The following MYO3B variants were observed in gnomAD, a reference collection of about 807,000 sequenced individuals.
MYO3B encodes myosin-IIIb.
MYO3B carries 156 observed loss-of-function variants against 174.6 expected under a neutral mutation model. That is an observed-to-expected ratio of 0.89 (90% CI 0.78 to 1.02). The LOEUF (loss-of-function observed/expected upper bound fraction) is 1.02, where lower values mean the gene tolerates loss of function less well. Among genes scored for constraint, MYO3B ranks in the 50% least tolerant of loss-of-function variants. The pLI is 0.00. For synonymous variants in MYO3B, 563 were observed against 569.1 expected, an observed-to-expected ratio of 0.99 and a Z score of 0.15; for missense variants, 1,632 against 1,639.4, an observed-to-expected ratio of 1.00 and a Z score of 0.08.
At chr2:170,181,174 G>A (rs1045683805) in intron 1 of MYO3B, among the ~76,000 whole-genome samples, 3 of 152,020 alleles carry the variant, frequency 2.0e-5, no homozygotes, top group Non-Finnish European at 4.4e-5. Context: ...GTGGTGTAAG[G>A]ATAAAGATTC....
chr2:170,272,957 A>C (rs2093436120), intron 7 of MYO3B, among the ~76,000 whole-genome samples: 1 of 152,172 alleles, frequency 6.6e-6, no homozygotes. Context: ...CACAAAACAG[A>C]CTAAGATAGT....
rs116785724 is a variant in MYO3B, at chr2:170,508,154, A to G, written c.3370+6289A>G. ...CCCTAGGACTCGATATTATAACTTC[A>G]GAGGACGCCAGGGTTAGAGCCTACA... On this transcript the variant is annotated intron_variant, in intron 28 of 34. Coordinates refer to ENST00000408978, the MANE Select transcript of MYO3B (RefSeq NM_138995.5). Among the ~76,000 whole-genome samples the G allele has an allele frequency of 2.8e-3, 428 of 152,242 alleles. 1 individual carries two copies. The highest frequency in any genetic ancestry group is 9.7e-3 in the African/African-American group (403 of 41,538).
At chr2:170,540,675 A>T (rs1345663010) in intron 30 of MYO3B, among the ~76,000 whole-genome samples, 1 of 141,064 alleles carries the variant, frequency 7.1e-6, no homozygotes. Flanking sequence ...CAAAAAAAAC[A>T]AAAAAACAGC....
rs544930974 is a variant in MYO3B, at chr2:170,534,570, G to A, written c.3576-8336G>A. ...AAGTGATCCTCCCATTTTAGCCACC[G>A]AAGTAGCTGGGACTACAGATGTGCG... On this transcript the variant is annotated intron_variant, in intron 30 of 34. Coordinates refer to ENST00000408978, the MANE Select transcript of MYO3B (RefSeq NM_138995.5). 3.9e-5 allele frequency among the ~76,000 whole-genome samples: 6 copies of A among 152,128 alleles called. No individual in the cohort carries two copies. In the South Asian group the frequency reaches 6.2e-4, roughly 16 times the overall value.
intron 8 of MYO3B, among the ~76,000 whole-genome samples, chr2:170,353,513 A>G (rs1455462176): frequency 3.3e-5 from 5 of 152,184 alleles, no homozygotes; most frequent in African/African-American, 1.2e-4. Flanking sequence ...ATTTGCCCAA[A>G]CCTATAGAAT....
At chr2:170,330,446 G>GT (rs557450894) in intron 7 of MYO3B, among the ~76,000 whole-genome samples, 62 of 152,266 alleles carry the variant, frequency 4.1e-4, no homozygotes, top group African/African-American at 1.5e-3. Flanking sequence ...TTTGCTGAAA[G>GT]TTTTTTAGAA....
intron 22 of MYO3B, among the ~76,000 whole-genome samples, chr2:170,440,314 A>G (rs1460573071): frequency 6.6e-6 from 1 of 152,104 alleles, no homozygotes; most frequent in African/African-American, 2.4e-5. Flanking sequence ...TCTATCTGCA[A>G]AAGATGCCAT....
At position 170,587,575 on chromosome 2, in the gene MYO3B, C is replaced by T. The variant is rs554984221; in HGVS notation, c.3733+43587C>T. Among the ~76,000 whole-genome samples, 87 of 152,166 alleles carry T rather than the reference C, an allele frequency of 5.7e-4. 1 individual carries two copies. The highest frequency in any genetic ancestry group is 4.9e-4 in the Non-Finnish European group (33 of 68,030). On this transcript the variant is annotated intron_variant, in intron 32 of 34. Coordinates refer to ENST00000408978, the MANE Select transcript of MYO3B (RefSeq NM_138995.5). ...AAAGTGATGGAAGTTGTTAAGGGAT[C>T]GGCTTTATTGAAAATAATGAGACTC...
intron 7 of MYO3B, among the ~76,000 whole-genome samples, chr2:170,266,342 G>T (rs2093383164): frequency 6.6e-6 from 1 of 152,042 alleles, no homozygotes; most frequent in African/African-American, 2.4e-5. Flanking sequence ...TAAACTAGCT[G>T]TATGTCATTT....
intron 23 of MYO3B, among the ~76,000 whole-genome samples, chr2:170,457,822 G>T (rs113974016): frequency 6.6e-6 from 1 of 152,062 alleles, no homozygotes; most frequent in African/African-American, 2.4e-5. Flanking sequence ...TGCCATGATC[G>T]TGGCTCACTA....
intron 7 of MYO3B, among the ~76,000 whole-genome samples, chr2:170,263,056 C>T (rs1243390999): frequency 1.3e-5 from 2 of 152,078 alleles, no homozygotes; most frequent in Admixed American, 6.5e-5. Context: ...AAAATTGGAG[C>T]GACTAAGCAG....
intron 22 of MYO3B, among the ~76,000 whole-genome samples, chr2:170,432,999 C>G (rs373939229): frequency 2.0e-5 from 3 of 152,164 alleles, no homozygotes; most frequent in East Asian, 1.9e-4. Flanking sequence ...CCTAGGCCTT[C>G]ACATTCACAC....
chr2:170,589,073 A>G (rs927297518), intron 32 of MYO3B, among the ~76,000 whole-genome samples: 20 of 152,212 alleles, frequency 1.3e-4, no homozygotes, highest in African/African-American at 4.8e-4. Context: ...AAGAACATGT[A>G]GCTGAAGAAG....
intron 32 of MYO3B, among the ~76,000 whole-genome samples, chr2:170,577,576 G>A (rs1260048245): frequency 1.3e-5 from 2 of 152,168 alleles, no homozygotes; most frequent in African/African-American, 4.8e-5. Context: ...CAGCAATTCC[G>A]TTGATCAGTA....
At chr2:170,191,986 T>C (rs1308870908) in intron 1 of MYO3B, among the ~76,000 whole-genome samples, 1 of 152,186 alleles carries the variant, frequency 6.6e-6, no homozygotes. Flanking sequence ...CGAAGTGAGG[T>C]TGATTGCAGT....
At chr2:170,271,052 T>C (rs373393769) in intron 7 of MYO3B, among the ~76,000 whole-genome samples, 1 of 152,168 alleles carries the variant, frequency 6.6e-6, no homozygotes, top group Non-Finnish European at 1.5e-5. Context: ...TTGCCAGATA[T>C]AGAAATTGGA....
At chr2:170,526,143 G>T (rs1354581849) in intron 30 of MYO3B, among the ~76,000 whole-genome samples, 1 of 152,178 alleles carries the variant, frequency 6.6e-6, no homozygotes, top group East Asian at 1.9e-4. Flanking sequence ...AATCCTAGTT[G>T]AATTACTTAC....
intron 22 of MYO3B, among the ~76,000 whole-genome samples, chr2:170,426,249 G>A (rs912654376): frequency 1.3e-5 from 2 of 151,716 alleles, no homozygotes; most frequent in Admixed American, 1.3e-4. Flanking sequence ...TGAGGCGAGA[G>A]GATTGCTTGA....
At chr2:170,560,331 A>G (rs1691622947) in intron 32 of MYO3B, among the ~76,000 whole-genome samples, 2 of 152,094 alleles carry the variant, frequency 1.3e-5, no homozygotes, top group Admixed American at 1.3e-4. Context: ...GAGTTGTTTC[A>G]TTAATCCACC....
Sources: gnomAD v4.1 joint callset for allele counts (sites outside exome capture counted in the v4.1 genomes callset) on GRCh38, gnomAD v4.1.1 for gene constraint, MANE v1.5 for transcripts, NCBI Gene and HGNC (gene_info 2026-07-23, HGNC 2026-07-21) for gene names.